The following CFAP210 variants were observed in gnomAD, a reference collection of about 807,000 sequenced individuals.
CFAP210 encodes cilia- and flagella- associated protein 210.
the CFAP210 span, chr2:169,662,320 T>A: frequency 6.2e-7 from 1 of 1,604,366 alleles, no homozygotes; most frequent in Non-Finnish European, 8.5e-7. Flanking sequence ...TTCTCTTTTC[T>A]TTTCTAGTTT....
the CFAP210 span, among the ~76,000 whole-genome samples, chr2:169,646,997 T>C: frequency 1.3e-5 from 2 of 152,154 alleles, no homozygotes; most frequent in Non-Finnish European, 2.9e-5. Context: ...TGGCATAAAA[T>C]AGTAACCCAA....
chr2:169,667,135 C>CTTTTTTTTTTTTT, the CFAP210 span, among the ~76,000 whole-genome samples: 1 of 120,284 alleles, frequency 8.3e-6, no homozygotes, highest in Non-Finnish European at 1.8e-5. Context: ...CACAAATTTT[C>CTTTTTTTTTTTTT]TTTTTTCTTT....
At chr2:169,645,839 T>C in the CFAP210 span, 3 of 1,585,066 alleles carry the variant, frequency 1.9e-6, no homozygotes, top group African/African-American at 4.1e-5. Context: ...AATAATTTTT[T>C]TCTACCATGT....
chr2:169,675,448 G>T, the CFAP210 span, among the ~76,000 whole-genome samples: 4 of 152,210 alleles, frequency 2.6e-5, no homozygotes, highest in Non-Finnish European at 5.9e-5. Flanking sequence ...GTGGCGGAAG[G>T]CAAAGGGGGA....
chr2:169,674,999 A>C, the CFAP210 span: 1 of 1,537,284 alleles, frequency 6.5e-7, no homozygotes, highest in East Asian at 2.4e-5. Context: ...CTATTTCTTC[A>C]TCACGCTTCT....
the CFAP210 span, among the ~76,000 whole-genome samples, chr2:169,689,513 T>C: frequency 6.6e-6 from 1 of 152,240 alleles, no homozygotes; most frequent in Non-Finnish European, 1.5e-5. Flanking sequence ...AAATGTTTAG[T>C]ACATTCTTTA....
the CFAP210 span, among the ~76,000 whole-genome samples, chr2:169,652,886 A>G: frequency 3.4e-5 from 5 of 147,194 alleles, no homozygotes; most frequent in Admixed American, 6.8e-5. Context: ...TGTAGTCCCA[A>G]CTACTTGGGA....
At chr2:169,693,470 A>G in the CFAP210 span, among the ~76,000 whole-genome samples, 1 of 152,374 alleles carries the variant, frequency 6.6e-6, no homozygotes, top group African/African-American at 2.4e-5. Context: ...CTAGTGAAGA[A>G]TGACTGGCTG....
chr2:169,665,015 C>G, the CFAP210 span, among the ~76,000 whole-genome samples: 2 of 152,270 alleles, frequency 1.3e-5, no homozygotes, highest in South Asian at 4.1e-4. Context: ...TGAGGGACTC[C>G]TGGGAAGAGC....
At chr2:169,678,307 C>A in the CFAP210 span, among the ~76,000 whole-genome samples, 22 of 134,084 alleles carry the variant, frequency 1.6e-4, no homozygotes, top group Non-Finnish European at 7.7e-5. Context: ...TACCATTATA[C>A]TCCAGCCTGG....
the CFAP210 span, among the ~76,000 whole-genome samples, chr2:169,667,135 C>CTTTTTTTTTTTTTTTTTTTTTTT: frequency 1.7e-5 from 2 of 120,284 alleles, no homozygotes; most frequent in African/African-American, 3.2e-5. Context: ...CACAAATTTT[C>CTTTTTTTTTTTTTTTTTTTTTTT]TTTTTTCTTT....
At chr2:169,672,939 G>A in the CFAP210 span, among the ~76,000 whole-genome samples, 2 of 152,178 alleles carry the variant, frequency 1.3e-5, no homozygotes, top group South Asian at 2.1e-4. Flanking sequence ...CAATATAAAG[G>A]AGAAATTCTA....
At chr2:169,657,711 C>T in the CFAP210 span, among the ~76,000 whole-genome samples, 1 of 151,832 alleles carries the variant, frequency 6.6e-6, no homozygotes, top group South Asian at 2.1e-4. Flanking sequence ...CAGGGTGAAA[C>T]TGTCTCAAAA....
the CFAP210 span, among the ~76,000 whole-genome samples, chr2:169,691,990 T>C: frequency 2.6e-5 from 4 of 152,218 alleles, no homozygotes; most frequent in African/African-American, 9.6e-5. Context: ...ATGCCTTCAA[T>C]GCTCGGGCAG....
chr2:169,681,091 T>C, the CFAP210 span: 5 of 1,613,968 alleles, frequency 3.1e-6, no homozygotes, highest in Non-Finnish European at 4.2e-6. Context: ...CACGGAGGCA[T>C]GCTGCTTCTC....
At chr2:169,645,990 C>T in the CFAP210 span, 1 of 1,613,952 alleles carries the variant, frequency 6.2e-7, no homozygotes. Flanking sequence ...GGTCCACGGC[C>T]ACCTCCAGGT....
At chr2:169,653,060 A>G in the CFAP210 span, among the ~76,000 whole-genome samples, 8 of 100,486 alleles carry the variant, frequency 8.0e-5, no homozygotes, top group Non-Finnish European at 1.6e-4. Context: ...ATATATATAT[A>G]TATATATGTA....
chr2:169,679,742 G>A, the CFAP210 span, among the ~76,000 whole-genome samples: 3 of 147,356 alleles, frequency 2.0e-5, no homozygotes, highest in East Asian at 4.1e-4. Flanking sequence ...GTGTCCATGT[G>A]TACTCAGCAT....
the CFAP210 span, among the ~76,000 whole-genome samples, chr2:169,686,527 GA>G: frequency 8.5e-5 from 13 of 152,320 alleles, no homozygotes; most frequent in Non-Finnish European, 1.5e-4. Context: ...TGCATTTGGT[GA>G]GGGCTTTCTT....
Sources: gnomAD v4.1 joint callset for allele counts (sites outside exome capture counted in the v4.1 genomes callset) on GRCh38, gnomAD v4.1.1 for gene constraint, MANE v1.5 for transcripts, NCBI Gene and HGNC (gene_info 2026-07-23, HGNC 2026-07-21) for gene names.